PDE4D: variants seen among roughly 807,000 people sequenced by gnomAD.
The protein encoded by PDE4D is 3',5'-cyclic-AMP phosphodiesterase 4D.
PDE4D carries 24 observed loss-of-function variants against 87.4 expected under a neutral mutation model. That is an observed-to-expected ratio of 0.27 (90% CI 0.20 to 0.39). The LOEUF is 0.39. Ranked by LOEUF, PDE4D falls within the 10% of genes least tolerant of loss-of-function variation. The pLI, the probability that PDE4D is intolerant of heterozygous loss-of-function variation, is 1.00. For missense variants in PDE4D, 714 were observed against 1,041.0 expected, an observed-to-expected ratio of 0.69 and a Z score of 4.32; for synonymous variants, 384 against 383.2, an observed-to-expected ratio of 1.00 and a Z score of -0.02.
At chr5:60,268,909 A>C (rs1750521335) in intron 1 of PDE4D, among the ~76,000 whole-genome samples, 2 of 152,234 alleles carry the variant, frequency 1.3e-5, no homozygotes, top group Admixed American at 1.3e-4. Flanking sequence ...TTATAAAAAC[A>C]ATGCAATTTA....
At chr5:59,289,516 T>C (rs1300838149) in intron 1 of PDE4D, among the ~76,000 whole-genome samples, 1 of 151,750 alleles carries the variant, frequency 6.6e-6, no homozygotes, top group Admixed American at 6.6e-5. Flanking sequence ...CCTCAAAAAA[T>C]CGGGTATAAA....
At chr5:59,130,361 C>T (rs879673292) in intron 5 of PDE4D, among the ~76,000 whole-genome samples, 3 of 152,146 alleles carry the variant, frequency 2.0e-5, no homozygotes, top group Admixed American at 6.5e-5. Context: ...ACAAAGGTTT[C>T]GGAAAGCCTC....
intron 1 of PDE4D, among the ~76,000 whole-genome samples, chr5:59,351,651 A>G (rs1190226471): frequency 6.6e-6 from 1 of 152,200 alleles, no homozygotes; most frequent in African/African-American, 2.4e-5. Context: ...GCAGAAGCAG[A>G]CAATATAAAA....
At chr5:60,267,485 A>G (rs901675583) in intron 1 of PDE4D, among the ~76,000 whole-genome samples, 1 of 151,508 alleles carries the variant, frequency 6.6e-6, no homozygotes, top group Non-Finnish European at 1.5e-5. Flanking sequence ...AGACATACTC[A>G]GTTTTGTCTC....
chr5:59,361,117 A>C (rs1782152554), intron 1 of PDE4D, among the ~76,000 whole-genome samples: 1 of 152,188 alleles, frequency 6.6e-6, no homozygotes, highest in Non-Finnish European at 1.5e-5. Flanking sequence ...CTATTCACTA[A>C]ACTAACAAAG....
chr5:60,304,634 A>G, intron 1 of PDE4D, among the ~76,000 whole-genome samples: 1 of 140,450 alleles, frequency 7.1e-6, no homozygotes, highest in Admixed American at 6.9e-5. Flanking sequence ...CCTGGGCGAC[A>G]GAGCGAGACT....
At chr5:59,244,522 G>A (rs1758362998) in intron 1 of PDE4D, among the ~76,000 whole-genome samples, 1 of 149,164 alleles carries the variant, frequency 6.7e-6, no homozygotes, top group Non-Finnish European at 1.5e-5. Context: ...TGAATATCAG[G>A]TAGGTCTCTC....
At chr5:59,078,509 C>CTTT (rs542270740) in intron 5 of PDE4D, among the ~76,000 whole-genome samples, 32 of 135,848 alleles carry the variant, frequency 2.4e-4, no homozygotes, top group African/African-American at 8.1e-4. Context: ...AGGTAGGACT[C>CTTT]TTTTTTTTTT....
rs967294479 is a variant in PDE4D at position 59,349,441 on chromosome 5, C to G, written c.456-133473G>C. Among the ~76,000 whole-genome samples, 3 of 152,166 alleles carry G rather than the reference C, an allele frequency of 2.0e-5. No individual in the cohort carries two copies. In the East Asian group the frequency reaches 5.8e-4, roughly 29 times the overall value. ...TTGTAAGAAGTATTCCTTATTTGCTCTGCCCAGATCAGACAGGCTTTGATC... is the reference window on the plus strand; with the variant it reads ...TTGTAAGAAGTATTCCTTATTTGCTGTGCCCAGATCAGACAGGCTTTGATC... On this transcript the variant is annotated intron_variant, in intron 1 of 14. Coordinates refer to ENST00000340635, the MANE Select transcript of PDE4D (RefSeq NM_001104631.2).
At chr5:59,646,661 T>C (rs1742495979) in intron 1 of PDE4D, among the ~76,000 whole-genome samples, 1 of 152,194 alleles carries the variant, frequency 6.6e-6, no homozygotes, top group Admixed American at 6.5e-5. Flanking sequence ...GAACGCTTGT[T>C]TGGCTTAAAA....
intron 1 of PDE4D, among the ~76,000 whole-genome samples, chr5:59,674,600 C>T (rs1176297275): frequency 6.6e-6 from 1 of 152,156 alleles, no homozygotes; most frequent in African/African-American, 2.4e-5. Context: ...ACTGCCACCT[C>T]CTAAATTCTT....
Position 59,893,674 on chromosome 5 carries a change from C to G in PDE4D, c.-52G>C. The stretch of plus-strand genomic sequence containing the variant: ...GCCCAGCCCGGGTTCACCGCGCTGG[C>G]CCGAGCGCCTTCCTGATGCTGCTGC... On this transcript the variant is annotated 5_prime_UTR_variant, in exon 1 of 15. Coordinates refer to ENST00000340635, the MANE Select transcript of PDE4D (RefSeq NM_001104631.2). The G allele has an allele frequency of 1.4e-6, 2 of 1,406,800 alleles. No individual in the cohort carries two copies. The highest frequency in any genetic ancestry group is 1.8e-6 in the Non-Finnish European group (2 of 1,091,454). 87.1% of individuals were successfully genotyped at this position (1,406,800 alleles called of 1,614,324 possible). A position where few individuals can be genotyped will look rare whatever the true frequency, so the allele number is the denominator to read the frequency against.
At chr5:59,298,113 CTT>C (rs759820053) in intron 1 of PDE4D, among the ~76,000 whole-genome samples, 68 of 112,950 alleles carry the variant, frequency 6.0e-4, no homozygotes, top group African/African-American at 1.2e-3. Flanking sequence ...ACAAGTGAAA[CTT>C]TTTTTTTTTT....
intron 1 of PDE4D, among the ~76,000 whole-genome samples, chr5:60,503,551 G>C (rs989972404): frequency 2.6e-5 from 4 of 151,940 alleles, no homozygotes; most frequent in African/African-American, 7.3e-5. Context: ...TTTATTATAT[G>C]AAAGTGCTTT....
At chr5:60,032,630 G>T (rs1211775447) in intron 2 of PDE4D, 2 of 152,152 alleles carry the variant, frequency 1.3e-5, no homozygotes, top group Non-Finnish European at 2.9e-5. Flanking sequence ...TCTCTTAGCT[G>T]CTTCCTTAAA....
At chr5:59,323,758 T>C (rs1390077609) in intron 1 of PDE4D, among the ~76,000 whole-genome samples, 5 of 151,902 alleles carry the variant, frequency 3.3e-5, no homozygotes, top group African/African-American at 9.7e-5. Flanking sequence ...AGATTTGCAA[T>C]CCAATTTCCC....
intron 6 of PDE4D, among the ~76,000 whole-genome samples, chr5:59,005,252 T>C (rs1458674498): frequency 1.3e-5 from 2 of 152,212 alleles, no homozygotes; most frequent in Non-Finnish European, 2.9e-5. Flanking sequence ...GATGGTCCCT[T>C]CATTCAACAG....
chr5:59,056,048 G>T (rs1762295945), intron 5 of PDE4D, among the ~76,000 whole-genome samples: 1 of 152,208 alleles, frequency 6.6e-6, no homozygotes, highest in Non-Finnish European at 1.5e-5. Flanking sequence ...GGTCAGAAAA[G>T]TTCAGAGGTT....
At chr5:59,346,726 A>G (rs1779665148) in intron 1 of PDE4D, among the ~76,000 whole-genome samples, 1 of 152,144 alleles carries the variant, frequency 6.6e-6, no homozygotes, top group Non-Finnish European at 1.5e-5. Context: ...GAGGACAGAG[A>G]ACAAAAACGT....
Sources: allele counts gnomAD v4.1 joint callset (sites outside exome capture counted in the v4.1 genomes callset), GRCh38; gene constraint gnomAD v4.1.1; transcripts MANE v1.5; gene names NCBI Gene and HGNC (gene_info 2026-07-23, HGNC 2026-07-21).